CYFIP1: variants seen among roughly 807,000 people sequenced by gnomAD.
CYFIP1 encodes cytoplasmic FMR1-interacting protein 1.
A neutral mutation model predicts 163.5 loss-of-function variants in CYFIP1; 58 were observed. The observed-to-expected ratio is 0.35, with a 90% confidence interval of 0.29 to 0.44. The LOEUF (loss-of-function observed/expected upper bound fraction) is 0.44. Among genes scored for constraint, CYFIP1 ranks in the 20% least tolerant of loss-of-function variants. The pLI is 1.00. For synonymous variants in CYFIP1, 663 were observed against 660.7 expected, an observed-to-expected ratio of 1.00 and a Z score of -0.05; for missense variants, 1,338 against 1,653.8, an observed-to-expected ratio of 0.81 and a Z score of 3.31.
chr15:22,908,514 ATTTCTTT>A (rs1352030319), intron 21 of CYFIP1, among the ~76,000 whole-genome samples: 2 of 95,156 alleles, frequency 2.1e-5, no homozygotes, highest in South Asian at 3.2e-4. Flanking sequence ...TAAAGAAGAT[ATTTCTTT>A]TTTTTTTTTT....
chr15:22,872,757 C>A, intron 30 of CYFIP1, 68 bp downstream of exon 30: 1 of 1,533,976 alleles, frequency 6.5e-7, no homozygotes, highest in South Asian at 1.2e-5. Flanking sequence ...GAAACAAGAA[C>A]TTATAACACA....
chr15:22,878,535 C>T (rs1486226450), intron 26 of CYFIP1, among the ~76,000 whole-genome samples: 1 of 151,850 alleles, frequency 6.6e-6, no homozygotes, highest in Non-Finnish European at 1.5e-5. Context: ...AAGACCAACT[C>T]CAGAAGGATT....
chr15:22,904,375 G>A (rs569277588), intron 21 of CYFIP1: 61 of 231,694 alleles, frequency 2.6e-4, no homozygotes, highest in African/African-American at 1.1e-3. Flanking sequence ...AAGCCCTCAC[G>A]TGCGCTGCTC....
chr15:22,881,476 G>A (rs911009743), intron 25 of CYFIP1, among the ~76,000 whole-genome samples: 10 of 152,074 alleles, frequency 6.6e-5, no homozygotes, highest in South Asian at 2.1e-4. Context: ...TGGATGGGAC[G>A]GCCTGGGGGC....
chr15:22,918,781 GGT>G lies in CYFIP1; in HGVS notation c.1435_1436del (p.Thr479ArgfsTer14). On this transcript the variant is annotated frameshift_variant, in exon 14 of 31. Coordinates refer to ENST00000617928, the MANE Select transcript of CYFIP1 (RefSeq NM_014608.6). LOFTEE classifies it high-confidence loss of function. ...ESVFNHAIRHTVYAALQDFSQ... is the reference protein window; with the variant it reads ...ESVFNHAIRHXVYAALQDFSQ... ...AGAAGTCCTGCAGTGCGGCATAGAC[GGT>G]GTGCCGGATGGCGTGGTTGAACACG... 6.2e-7 allele frequency: 1 copy of G among 1,613,258 alleles called. No homozygotes were observed. Among genetic ancestry groups the G allele is most frequent in the Admixed American group, 1.7e-5 (1 of 59,942 alleles).
Position 22,868,578 on chromosome 15 carries a change from C to CAAA in CYFIP1, c.*1447_*1449dup, listed in dbSNP as rs1165227105. On this transcript the variant is annotated 3_prime_UTR_variant, in exon 31 of 31. Coordinates refer to ENST00000617928, the MANE Select transcript of CYFIP1 (RefSeq NM_014608.6). ...CCCCAGGGTTATTAATTCACATTAC[C>CAAA]AAAAGCATTTTTAGGGAACTTTTTA... 3 of 151,542 alleles carry CAAA rather than the reference C, an allele frequency of 2.0e-5. No homozygotes were observed. Among genetic ancestry groups the CAAA allele is most frequent in the African/African-American group, 7.3e-5 (3 of 40,982 alleles). The allele number at this position is 151,542 out of a possible 1,614,324, so 9.4% of individuals were successfully genotyped here.
chr15:22,964,474 A>G (rs1415308436), intron 1 of CYFIP1, among the ~76,000 whole-genome samples: 1 of 151,930 alleles, frequency 6.6e-6, no homozygotes, highest in Non-Finnish European at 1.5e-5. Context: ...CCCAGCAAGA[A>G]GGCAGGTCTT....
chr15:22,870,008 A>G lies in CYFIP1; in HGVS notation c.*20T>C. 1.3e-6 allele frequency: 2 copies of G among 1,560,594 alleles called. No individual in the cohort carries two copies. Among genetic ancestry groups the G allele is most frequent in the Non-Finnish European group, 1.7e-6 (2 of 1,159,320 alleles). ...AGAGAAAGGCATGCCATGTTGAGTTACGGAGTGCAGCGCGTGCCCTCAGCT... is the reference window on the plus strand; with the variant it reads ...AGAGAAAGGCATGCCATGTTGAGTTGCGGAGTGCAGCGCGTGCCCTCAGCT... On this transcript the variant is annotated 3_prime_UTR_variant, in exon 31 of 31. Coordinates refer to ENST00000617928, the MANE Select transcript of CYFIP1 (RefSeq NM_014608.6).
chr15:22,929,631 CAAA>C (rs35408380), intron 11 of CYFIP1, among the ~76,000 whole-genome samples: 2 of 42,262 alleles, frequency 4.7e-5, no homozygotes, highest in African/African-American at 2.2e-4. Flanking sequence ...GACTCTGTCT[CAAA>C]AAAAAAAAAA....
intron 25 of CYFIP1, among the ~76,000 whole-genome samples, chr15:22,881,132 A>G (rs1470721175): frequency 6.6e-6 from 1 of 152,162 alleles, no homozygotes; most frequent in Non-Finnish European, 1.5e-5. Context: ...CCAAAAAGCA[A>G]AAAGTCCTGA....
At chr15:22,948,040 A>C (rs959803823) in intron 1 of CYFIP1, 2 of 974,136 alleles carry the variant, frequency 2.1e-6, no homozygotes, top group Non-Finnish European at 2.4e-6. Context: ...CTATGAAGGA[A>C]AGAGCAGCAG....
rs545631869 is a variant in CYFIP1, at chr15:22,961,171, G to A, written c.-6-13880C>T. Among the ~76,000 whole-genome samples the A allele has an allele frequency of 3.3e-5, 5 of 151,184 alleles. No individual in the cohort carries two copies. In the South Asian group the frequency reaches 6.3e-4, roughly 19 times the overall value. ...CGAGAAGCTGGGATTACAGGGGCTC[G>A]CCACCATGCCGGGCTAATGTTTGTA... On this transcript the variant is annotated intron_variant, in intron 1 of 30. Coordinates refer to ENST00000617928, the MANE Select transcript of CYFIP1 (RefSeq NM_014608.6).
intron 3 of CYFIP1, among the ~76,000 whole-genome samples, chr15:22,945,346 C>T (rs2062022716): frequency 6.6e-6 from 1 of 152,286 alleles, no homozygotes; most frequent in African/African-American, 2.4e-5. Flanking sequence ...ACAGGGCCTC[C>T]CGGTCCCAGA....
Position 22,917,800 on chromosome 15 carries a change from G to A in CYFIP1, c.1662C>T (p.Pro554=). ...AAGGGACGAGAACCTGAGTGCTGGA[G>A]GGTCCCACGGCGCGGCGTGGTACTT... ...DIKVPRRAVG[P]SSTQLYMVRT... Residue 554 remains proline, a synonymous_variant, in exon 15 of 31, where the codon CCC becomes CCT. Transcript: ENST00000617928. This position sits in a 1 kb window ranked among gnomAD's most constrained non-coding sequence, Gnocchi z 4.2. 1 of 1,609,460 alleles carries A rather than the reference G, an allele frequency of 6.2e-7. No homozygotes were observed. Among genetic ancestry groups the A allele is most frequent in the Non-Finnish European group, 8.5e-7 (1 of 1,177,880 alleles).
At chr15:22,967,011 T>C (rs1451347124) in intron 1 of CYFIP1, among the ~76,000 whole-genome samples, 8 of 151,880 alleles carry the variant, frequency 5.3e-5, no homozygotes, top group African/African-American at 1.2e-4. Context: ...TTTTTTTTTT[T>C]CTGCAGGGGA....
intron 1 of CYFIP1, among the ~76,000 whole-genome samples, chr15:22,963,515 A>G (rs1460613516): frequency 1.4e-5 from 2 of 138,970 alleles, no homozygotes; most frequent in African/African-American, 2.7e-5. Context: ...ATAACATAAC[A>G]TAACATAACA....
chr15:22,914,372 GGTTA>G (rs2142086595), intron 17 of CYFIP1, among the ~76,000 whole-genome samples: 1 of 152,040 alleles, frequency 6.6e-6, no homozygotes, highest in South Asian at 2.1e-4. Context: ...CCAAGAAACT[GGTTA>G]GTTACTTGTA....
chr15:22,907,725 C>T (rs942449840), intron 21 of CYFIP1, among the ~76,000 whole-genome samples: 1 of 152,202 alleles, frequency 6.6e-6, no homozygotes, highest in Non-Finnish European at 1.5e-5. Context: ...TTCAAAGGCA[C>T]CACAGGCCGA....
chr15:22,885,624 T>C (rs1429733191), intron 23 of CYFIP1, among the ~76,000 whole-genome samples: 2 of 152,072 alleles, frequency 1.3e-5, no homozygotes, highest in African/African-American at 4.8e-5. Flanking sequence ...TCCCAGCTAC[T>C]TGGGAGGCTG....
Sources: allele counts gnomAD v4.1 joint callset (sites outside exome capture counted in the v4.1 genomes callset), GRCh38; gene constraint gnomAD v4.1.1; non-coding constraint Gnocchi (gnomAD v3.1); transcripts MANE v1.5; gene names NCBI Gene and HGNC (gene_info 2026-07-23, HGNC 2026-07-21).